The following KLHL32 variants were observed in gnomAD, a reference collection of about 807,000 sequenced individuals.
KLHL32 encodes the protein kelch like family member 32.
A neutral mutation model predicts 64.8 loss-of-function variants in KLHL32; 35 were observed. That is an observed-to-expected ratio of 0.54 (90% CI 0.41 to 0.72). The LOEUF (loss-of-function observed/expected upper bound fraction) is 0.72, where lower values mean the gene tolerates loss of function less well. Among genes scored for constraint, KLHL32 ranks in the 30% least tolerant of loss-of-function variants. The pLI, the probability that KLHL32 is intolerant of heterozygous loss-of-function variation, is 0.00. For missense variants in KLHL32, 589 were observed against 768.5 expected, an observed-to-expected ratio of 0.77 and a Z score of 2.76; for synonymous variants, 259 against 281.0, an observed-to-expected ratio of 0.92 and a Z score of 0.78.
the KLHL32 span, among the ~76,000 whole-genome samples, chr6:96,903,892 A>C: frequency 2.0e-5 from 3 of 152,218 alleles, no homozygotes; most frequent in East Asian, 5.8e-4. Flanking sequence ...AAAAGGAAAT[A>C]AGAATTATAA....
At chr6:97,095,793 G>A (rs1163553885) in intron 6 of KLHL32, among the ~76,000 whole-genome samples, 1 of 152,198 alleles carries the variant, frequency 6.6e-6, no homozygotes, top group Non-Finnish European at 1.5e-5. Flanking sequence ...GTGTGTGTGA[G>A]AGTGAGGATG....
At chr6:97,123,529 A>T (rs1360371927) in intron 7 of KLHL32, among the ~76,000 whole-genome samples, 1 of 152,210 alleles carries the variant, frequency 6.6e-6, no homozygotes, top group African/African-American at 2.4e-5. Flanking sequence ...GTTCAAAAGT[A>T]TAAGACAGGG....
At chr6:96,951,897 T>A (rs528288484) in intron 1 of KLHL32, among the ~76,000 whole-genome samples, 1 of 152,316 alleles carries the variant, frequency 6.6e-6, no homozygotes, top group Admixed American at 6.5e-5. Context: ...CGTTGTTTTG[T>A]TCAATGCCAT....
At chr6:96,970,488 A>T (rs1774993206) in intron 2 of KLHL32, among the ~76,000 whole-genome samples, 1 of 152,184 alleles carries the variant, frequency 6.6e-6, no homozygotes, top group African/African-American at 2.4e-5. Flanking sequence ...CTCATCCTTC[A>T]GCCAGCAGCT....
intron 3 of KLHL32, among the ~76,000 whole-genome samples, chr6:97,008,072 T>C (rs931354690): frequency 6.6e-6 from 1 of 151,988 alleles, no homozygotes; most frequent in Non-Finnish European, 1.5e-5. Context: ...TGCAGGTGGT[T>C]GTGGTGGTGG....
At chr6:96,959,385 T>C (rs895710681) in intron 1 of KLHL32, among the ~76,000 whole-genome samples, 1 of 152,140 alleles carries the variant, frequency 6.6e-6, no homozygotes, top group African/African-American at 2.4e-5. Flanking sequence ...AACACAAATT[T>C]ATTTTCTCAC....
intron 5 of KLHL32, among the ~76,000 whole-genome samples, chr6:97,072,175 A>G (rs1790849270): frequency 6.6e-6 from 1 of 152,098 alleles, no homozygotes; most frequent in Non-Finnish European, 1.5e-5. Context: ...ACATACACTG[A>G]CACAGAGACC....
rs111336646 is a variant in KLHL32, at chr6:97,112,031, T to TG, written c.628-1745dup. On this transcript the variant is annotated intron_variant, in intron 6 of 10. Transcript: ENST00000369261. ...GTCAGGGGTTTTTATGGGTACAGGATGGGGGGGTGGGGTGGATCATGGGTG... is the reference window on the plus strand; with the variant it reads ...GTCAGGGGTTTTTATGGGTACAGGATGGGGGGGGTGGGGTGGATCATGGGTG... Among the ~76,000 whole-genome samples the TG allele has an allele frequency of 2.5e-3, 366 of 144,688 alleles. 3 individuals carry two copies. Among genetic ancestry groups the TG allele is most frequent in the African/African-American group, 8.7e-3 (341 of 39,416 alleles). 94.9% of individuals were successfully genotyped at this position (144,688 alleles called of 152,430 possible).
intron 3 of KLHL32, among the ~76,000 whole-genome samples, chr6:97,002,846 G>A (rs995279055): frequency 6.6e-6 from 1 of 152,096 alleles, no homozygotes; most frequent in African/African-American, 2.4e-5. Flanking sequence ...TAGTACATAT[G>A]TAGTACATAT....
In KLHL32 at chr6:96,924,801, GCACACACACACACACA is replaced by G. The variant is rs57457444; in HGVS notation, c.-271_-256del. 8 of 149,008 alleles carry G rather than the reference GCACACACACACACACA, an allele frequency of 5.4e-5. No homozygotes were observed. The highest frequency in any genetic ancestry group is 1.5e-4 in the African/African-American group (6 of 40,562). 9.2% of individuals were successfully genotyped at this position (149,008 alleles called of 1,614,324 possible). ...CAGTCGCGCGCACACACGCACGCAG[GCACACACACACACACA>G]CACACACACACACACACACTTTCGC... On this transcript the variant is annotated 5_prime_UTR_variant, in exon 1 of 11. Coordinates refer to ENST00000369261, the MANE Select transcript of KLHL32 (RefSeq NM_052904.4).
intron 3 of KLHL32, among the ~76,000 whole-genome samples, chr6:96,977,353 C>T (rs951379933): frequency 2.0e-5 from 3 of 152,124 alleles, no homozygotes; most frequent in Non-Finnish European, 4.4e-5. Flanking sequence ...TGACTCTTAA[C>T]GAGTGTGATA....
chr6:97,085,773 A>G (rs1444606720), intron 6 of KLHL32, among the ~76,000 whole-genome samples: 2 of 152,228 alleles, frequency 1.3e-5, no homozygotes, highest in Non-Finnish European at 2.9e-5. Flanking sequence ...CTTTGTTGCA[A>G]TAGAGAGCAG....
chr6:97,054,651 A>G (rs1787503940), intron 4 of KLHL32, among the ~76,000 whole-genome samples: 1 of 152,264 alleles, frequency 6.6e-6, no homozygotes, highest in Admixed American at 6.5e-5. Context: ...AAAATAAGAC[A>G]GTAATTTGCA....
Position 97,014,045 on chromosome 6 carries a change from G to A in KLHL32, c.205-27447G>A, listed in dbSNP as rs1582707266. On this transcript the variant is annotated intron_variant, in intron 3 of 10. Transcript: ENST00000369261. ...TTTTTGGCCGGGCGCCGTGGCTCACGCTTGTAACCCCACCACTTTGGGAGG... is the reference window on the plus strand; with the variant it reads ...TTTTTGGCCGGGCGCCGTGGCTCACACTTGTAACCCCACCACTTTGGGAGG... 2.6e-5 allele frequency among the ~76,000 whole-genome samples: 4 copies of A among 152,206 alleles called. No individual in the cohort carries two copies. The East Asian group carries it at 5.8e-4, about 22-fold the overall frequency.
intron 3 of KLHL32, among the ~76,000 whole-genome samples, chr6:97,008,756 C>G (rs1582686559): frequency 6.6e-6 from 1 of 152,150 alleles, no homozygotes; most frequent in African/African-American, 2.4e-5. Flanking sequence ...TGCAGGGTTC[C>G]TAGCATCCTT....
At position 97,109,140 on chromosome 6, in the gene KLHL32, G is replaced by A. The variant is rs1244960116; in HGVS notation, c.628-4643G>A. On this transcript the variant is annotated intron_variant, in intron 6 of 10. Transcript: ENST00000369261. Reference sequence around the variant, plus strand: ...CTCCAGTCCCCCACCTGCTGAATGAGAGCCTACATTTTGACCAGAAACCCC... The same window carrying A: ...CTCCAGTCCCCCACCTGCTGAATGAAAGCCTACATTTTGACCAGAAACCCC... Among the ~76,000 whole-genome samples the A allele has an allele frequency of 2.0e-5, 3 of 152,154 alleles. No homozygotes were observed. In the East Asian group the frequency reaches 5.8e-4, roughly 29 times the overall value.
chr6:96,988,750 T>C (rs1357000071), intron 3 of KLHL32, among the ~76,000 whole-genome samples: 1 of 152,188 alleles, frequency 6.6e-6, no homozygotes, highest in Non-Finnish European at 1.5e-5. Flanking sequence ...GTGGCACATA[T>C]ACACCATGGA....
At chr6:97,010,249 G>A (rs532023148) in intron 3 of KLHL32, 6 of 136,140 alleles carry the variant, frequency 4.4e-5, no homozygotes, top group Non-Finnish European at 9.3e-5. Context: ...CAATGGATCA[G>A]CAGAATGGGT....
At chr6:96,937,333 G>T (rs1377626399) in intron 1 of KLHL32, among the ~76,000 whole-genome samples, 6 of 152,144 alleles carry the variant, frequency 3.9e-5, no homozygotes, top group African/African-American at 1.4e-4. Context: ...TTAGTGCTTA[G>T]CATGTGTGGT....
Sources: allele counts gnomAD v4.1 joint callset (sites outside exome capture counted in the v4.1 genomes callset), GRCh38; gene constraint gnomAD v4.1.1; transcripts MANE v1.5; gene names NCBI Gene and HGNC (gene_info 2026-07-23, HGNC 2026-07-21).